Variants in WEE1 observed in about 807,000 individuals in gnomAD.
WEE1 encodes WEE1 G2 checkpoint kinase, also known as wee1-like protein kinase.
Under a neutral mutation model 68.8 loss-of-function variants are expected in WEE1, and 16 were observed. The observed-to-expected ratio is 0.23, with a 90% CI of 0.16 to 0.35. The LOEUF is 0.35. Among genes scored for constraint, WEE1 ranks in the 10% least tolerant of loss-of-function variants. The pLI is 1.00. For missense variants in WEE1, 651 were observed against 824.1 expected (o/e 0.79, Z 2.57); for synonymous variants, 349 against 318.7 (o/e 1.09, Z -1.01).
chr11:9,581,096 A>T (rs1849622664), intron 5 of WEE1: 1 of 157,252 alleles, frequency 6.4e-6, no homozygotes, highest in African/African-American at 2.4e-5. Flanking sequence ...TTGCCTAAAG[A>T]GGGGTAAACT....
At chr11:9,588,062 T>C (rs866063432) in intron 10 of WEE1, among the ~76,000 whole-genome samples, 1 of 152,132 alleles carries the variant, frequency 6.6e-6, no homozygotes, top group Non-Finnish European at 1.5e-5. Flanking sequence ...TCACCCAGGC[T>C]GGAGTGCAGT....
chr11:9,574,016 C>A lies in WEE1; in HGVS notation c.83C>A (p.Ser28Ter). 1 of 1,275,428 alleles carries A rather than the reference C, an allele frequency of 7.8e-7. No individual in the cohort carries two copies. The highest frequency in any genetic ancestry group is 9.9e-7 in the Non-Finnish European group (1 of 1,010,306). 79.0% of individuals were successfully genotyped at this position (1,275,428 alleles called of 1,614,324 possible). The change falls in exon 1 of 11, where the codon TCG becomes TAG. Residue 28 changes from serine to a stop codon, truncating the protein, a stop_gained. Coordinates refer to ENST00000450114, the MANE Select transcript of WEE1 (RefSeq NM_003390.4). LOFTEE classifies it high-confidence loss of function. This position sits in a 1 kb window ranked among gnomAD's most constrained non-coding sequence, Gnocchi z 4.9. ...ACCTTGCGGCAGAAGCTGATCTTCTCGCCCTGCAGCGACTGTGAGGAGGAG... is the reference window on the plus strand; with the variant it reads ...ACCTTGCGGCAGAAGCTGATCTTCTAGCCCTGCAGCGACTGTGAGGAGGAG... ...ACTLRQKLIFSPCSDCEEEEE... is the reference protein window; with the variant it reads ...ACTLRQKLIF
Position 9,576,995 on chromosome 11 carries a change from G to A in WEE1, c.1020-147G>A, listed in dbSNP as rs1401102970. ...CTGCCTTTGGAAAAATCTCTTACAAGTCTAAACCCCTTCTCTCTTAAGCAA... is the reference window on the plus strand; with the variant it reads ...CTGCCTTTGGAAAAATCTCTTACAAATCTAAACCCCTTCTCTCTTAAGCAA... On this transcript the variant is annotated intron_variant, in intron 4 of 10. Coordinates refer to ENST00000450114, the MANE Select transcript of WEE1 (RefSeq NM_003390.4). The surrounding 1 kb of genome is among the most constrained non-coding windows in gnomAD (Gnocchi z 4.3). 5 of 837,442 alleles carry A rather than the reference G, an allele frequency of 6.0e-6. No homozygotes were observed. Among genetic ancestry groups the A allele is most frequent in the African/African-American group, 1.7e-5 (1 of 57,238 alleles). 51.9% of individuals were successfully genotyped at this position (837,442 alleles called of 1,614,324 possible).
chr11:9,575,287 T>G (rs904800900), intron 1 of WEE1: 18 of 987,062 alleles, frequency 1.8e-5, no homozygotes, highest in Non-Finnish European at 2.0e-5. Flanking sequence ...ATGACCACTT[T>G]TAAAACTGCA....
rs752294136 is a variant in WEE1, at chr11:9,575,517, T to C, written c.577-371T>C. ...GGGAGGAGTCCAGCGGAGGTGGCTA[T>C]GGAAGCCCTATCTAGATGGGGGAGG... On this transcript the variant is annotated intron_variant, in intron 1 of 10. Coordinates refer to ENST00000450114, the MANE Select transcript of WEE1 (RefSeq NM_003390.4). 2.1e-5 allele frequency: 12 copies of C among 569,426 alleles called. No individual in the cohort carries two copies. In the East Asian group the frequency reaches 2.9e-4, roughly 14 times the overall value. The allele number at this position is 569,426 out of a possible 1,614,324, so 35.3% of individuals were successfully genotyped here. A position where few individuals can be genotyped will look rare whatever the true frequency, so the allele number is the denominator to read the frequency against.
At chr11:9,575,798 C>T (rs1036216855) in intron 1 of WEE1, 90 bp from the exon 2 acceptor site, 2 of 1,098,054 alleles carry the variant, frequency 1.8e-6, no homozygotes, top group African/African-American at 1.6e-5. Flanking sequence ...ACGCATTCAG[C>T]CCTATGAAAG....
rs763239694 is a variant in WEE1, at chr11:9,585,390, G to C, written c.1384+37G>C. 23 of 1,608,474 alleles carry C rather than the reference G, an allele frequency of 1.4e-5. No homozygotes were observed. The East Asian group carries it at 4.5e-4, about 31-fold the overall frequency. On this transcript the variant is annotated intron_variant, in intron 7 of 10. Transcript: ENST00000450114. ...AATCAGATTATTACCTTCAGATAAA[G>C]AGAAGGCTGTTTTGTTTTTGCTCTT...
Position 9,573,745 on chromosome 11 carries a change from C to T in WEE1, c.-189C>T, listed in dbSNP as rs1009107513. On this transcript the variant is annotated 5_prime_UTR_variant, in exon 1 of 11. Transcript: ENST00000450114. The stretch of plus-strand genomic sequence containing the variant: ...GGCCGCCCCGCCTCTGCCGGAAAGT[C>T]CGCGCCGCCGCTGCCGCCACCGTCC... 7.5e-6 allele frequency: 2 copies of T among 265,876 alleles called. No homozygotes were observed. Among genetic ancestry groups the T allele is most frequent in the Non-Finnish European group, 1.3e-5 (2 of 159,148 alleles). The allele number at this position is 265,876 out of a possible 1,614,324, so 16.5% of individuals were successfully genotyped here. A position where few individuals can be genotyped will look rare whatever the true frequency, so the allele number is the denominator to read the frequency against.
rs1050530546 is a variant in WEE1 at position 9,573,726 on chromosome 11, C to T, written c.-208C>T. ...ACCTCAGCCTCGGTGCTCGGGCCGC[C>T]CCGCCTCTGCCGGAAAGTCCGCGCC... On this transcript the variant is annotated 5_prime_UTR_variant, in exon 1 of 11. Transcript: ENST00000450114. The T allele has an allele frequency of 1.4e-5, 3 of 212,596 alleles. No individual in the cohort carries two copies. The highest frequency in any genetic ancestry group is 2.9e-4 in the East Asian group (2 of 6,960). 13.2% of individuals were successfully genotyped at this position (212,596 alleles called of 1,614,324 possible).
At position 9,589,823 on chromosome 11, in the gene WEE1, T is replaced by TA; in HGVS notation, c.*1221_*1222insA. The stretch of plus-strand genomic sequence containing the variant: ...TCTCTATTATTGCTATACTATAAAA[T>TA]GTATAGTGTGTATAATGTACTATTA... On this transcript the variant is annotated 3_prime_UTR_variant, in exon 11 of 11. Coordinates refer to ENST00000450114, the MANE Select transcript of WEE1 (RefSeq NM_003390.4). The TA allele has an allele frequency of 1.5e-5, 9 of 588,904 alleles. No individual in the cohort carries two copies. Among genetic ancestry groups the TA allele is most frequent in the African/African-American group, 2.0e-5 (1 of 49,750 alleles). 36.5% of individuals were successfully genotyped at this position (588,904 alleles called of 1,614,324 possible).
rs1849541573 is a variant in WEE1, at chr11:9,574,485, C to T, written c.552C>T (p.Leu184=). The change falls in exon 1 of 11, where the codon CTC becomes CTT. Residue 184 remains leucine (L), a synonymous_variant. Coordinates refer to ENST00000450114, the MANE Select transcript of WEE1 (RefSeq NM_003390.4). The surrounding 1 kb of genome is among the most constrained non-coding windows in gnomAD (Gnocchi z 4.9). ...PPHKTFRKLR[L]FDTPHTPKSL... is the part of the protein sequence containing the mutation. ...ACAAGACCTTCCGCAAGCTGCGACT[C>T]TTCGACACCCCGCACACGCCCAAGG... 1.6e-6 allele frequency: 2 copies of T among 1,257,410 alleles called. No individual in the cohort carries two copies. Among genetic ancestry groups the T allele is most frequent in the Non-Finnish European group, 2.0e-6 (2 of 1,002,172 alleles). The allele number at this position is 1,257,410 out of a possible 1,614,324, so 77.9% of individuals were successfully genotyped here. A position where few individuals can be genotyped will look rare whatever the true frequency, so the allele number is the denominator to read the frequency against.
At chr11:9,584,113 T>C (rs920229561) in intron 6 of WEE1, among the ~76,000 whole-genome samples, 5 of 151,768 alleles carry the variant, frequency 3.3e-5, no homozygotes, top group African/African-American at 7.3e-5. Flanking sequence ...CCCAAAGTGC[T>C]GGGATTACAG....
intron 6 of WEE1, among the ~76,000 whole-genome samples, chr11:9,584,741 C>T (rs1468554925): frequency 1.3e-5 from 2 of 152,154 alleles, no homozygotes; most frequent in Non-Finnish European, 2.9e-5. Flanking sequence ...ACAAGGGCCT[C>T]ATCCAGTTTA....
chr11:9,577,014 T>C, intron 4 of WEE1, 128 bp from the exon 5 acceptor site: 1 of 1,020,162 alleles, frequency 9.8e-7, no homozygotes, highest in Non-Finnish European at 1.4e-6. Context: ...CCTTCTCTCT[T>C]AAGCAAGTTG....
chr11:9,584,411 A>G (rs1242319651), intron 6 of WEE1, among the ~76,000 whole-genome samples: 1 of 152,106 alleles, frequency 6.6e-6, no homozygotes, highest in Non-Finnish European at 1.5e-5. Flanking sequence ...CTTTCAAAGC[A>G]CTGGGATTAC....
intron 10 of WEE1, among the ~76,000 whole-genome samples, chr11:9,587,680 A>C (rs181236783): frequency 1.1e-3 from 168 of 152,338 alleles, no homozygotes; most frequent in African/African-American, 3.7e-3. Context: ...GGTTATTAAA[A>C]AGAGAATATT....
intron 5 of WEE1, 81 bp downstream of exon 5, chr11:9,577,344 T>C: frequency 6.7e-7 from 1 of 1,494,918 alleles, no homozygotes; most frequent in South Asian, 1.3e-5. Flanking sequence ...AATCTTGCTC[T>C]ATTTCTGTCA....
At chr11:9,584,368 A>G (rs1191097021) in intron 6 of WEE1, among the ~76,000 whole-genome samples, 2 of 152,086 alleles carry the variant, frequency 1.3e-5, no homozygotes, top group African/African-American at 4.8e-5. Flanking sequence ...CTGGTCTCGA[A>G]TTCCAAGTCT....
At position 9,574,772 on chromosome 11, in the gene WEE1, C is replaced by T. The variant is rs113424788; in HGVS notation, c.576+263C>T. On this transcript the variant is annotated intron_variant, in intron 1 of 10. Transcript: ENST00000450114. The surrounding 1 kb of genome is among the most constrained non-coding windows in gnomAD (Gnocchi z 4.9). ...TCCGGGTGGCCAAGGATTTGCCGCC[C>T]GTTGAGTCCGGGCCGCCCCGAGCGT... 1.2e-5 allele frequency: 12 copies of T among 1,014,882 alleles called. No homozygotes were observed. Among genetic ancestry groups the T allele is most frequent in the Non-Finnish European group, 1.3e-5 (11 of 849,552 alleles). 62.9% of individuals were successfully genotyped at this position (1,014,882 alleles called of 1,614,324 possible).
Sources: allele counts gnomAD v4.1 joint callset (sites outside exome capture counted in the v4.1 genomes callset), GRCh38; gene constraint gnomAD v4.1.1; non-coding constraint Gnocchi (gnomAD v3.1); transcripts MANE v1.5; gene names NCBI Gene and HGNC (gene_info 2026-07-23, HGNC 2026-07-21).